The following CCL26 variants were observed in gnomAD, a reference collection of about 807,000 sequenced individuals.
CCL26 encodes the protein C-C motif chemokine ligand 26.
Under a neutral mutation model 10.7 loss-of-function variants are expected in CCL26, and 10 were observed. The observed-to-expected ratio is 0.93, with a 90% CI of 0.57 to 1.58. CCL26 has a LOEUF of 1.58. Ranked by LOEUF, CCL26 falls within the 40% of genes most tolerant of loss-of-function variation. The probability of loss-of-function intolerance (pLI) is 0.00; values close to 1 mark genes in which losing one functional copy is unlikely to be tolerated. For missense variants in CCL26, 116 were observed against 111.0 expected (o/e 1.05, Z -0.20); for synonymous variants, 43 against 41.4 (o/e 1.04, Z -0.15).
chr7:75,775,843 T>A (rs201463837), upstream of CCL26, among the ~76,000 whole-genome samples: 44,457 of 150,068 alleles, frequency 0.3, 7,081 homozygotes, highest in African/African-American at 0.43. Context: ...CTTTTTTTAG[T>A]TTTTTTTTTC....
At chr7:75,785,313 C>T (rs1803159978) in intron 1 of CCL26, among the ~76,000 whole-genome samples, 1 of 152,164 alleles carries the variant, frequency 6.6e-6, no homozygotes, top group African/African-American at 2.4e-5. Context: ...GCCCTCATTA[C>T]TTCAGCCAAG....
chr7:75,783,712 G>T (rs12534740), intron 1 of CCL26, among the ~76,000 whole-genome samples: 4 of 150,768 alleles, frequency 2.7e-5, no homozygotes, highest in African/African-American at 9.8e-5. Flanking sequence ...GCGTGAACCC[G>T]GTAGGTGGAG....
chr7:75,781,121 G>A (rs1038345883), intron 1 of CCL26, among the ~76,000 whole-genome samples: 3 of 152,198 alleles, frequency 2.0e-5, no homozygotes, highest in Non-Finnish European at 4.4e-5. Flanking sequence ...GGCCCTGAAA[G>A]GTCAGAAGGC....
intron 1 of CCL26, among the ~76,000 whole-genome samples, chr7:75,782,419 G>T (rs2115679887): frequency 1.3e-5 from 2 of 152,160 alleles, no homozygotes; most frequent in Middle Eastern, 3.4e-3. Context: ...GGGGACACCT[G>T]GTTTGGCTGC....
chr7:75,785,419 T>C (rs1213402243), intron 1 of CCL26, among the ~76,000 whole-genome samples: 2 of 152,142 alleles, frequency 1.3e-5, no homozygotes, highest in Admixed American at 6.5e-5. Flanking sequence ...CTTTGAATCT[T>C]CTCAACAAGA....
chr7:75,791,592 G>A (rs574774583), upstream of CCL26, among the ~76,000 whole-genome samples: 169 of 152,184 alleles, frequency 1.1e-3, 2 homozygotes, highest in African/African-American at 3.7e-3. Context: ...TCAAAGTGCT[G>A]GGATTACAGG....
upstream of CCL26, among the ~76,000 whole-genome samples, chr7:75,791,151 C>T (rs1294866350): frequency 1.3e-5 from 2 of 151,626 alleles, no homozygotes; most frequent in African/African-American, 2.4e-5. Flanking sequence ...CTCAGCCTCC[C>T]GAGTAGCTGG....
upstream of CCL26, among the ~76,000 whole-genome samples, chr7:75,790,178 C>T (rs4639460): frequency 7.4e-3 from 326 of 44,312 alleles, 4 homozygotes; most frequent in Non-Finnish European, 9.2e-3. Context: ...TTCCTTCCTT[C>T]CTTTCTTTCT....
At position 75,787,593 on chromosome 7, in the gene CCL26, C is replaced by A. The variant is rs370740907; in HGVS notation, c.-79+2124G>T. Among the ~76,000 whole-genome samples the A allele has an allele frequency of 5.8e-4, 77 of 132,014 alleles. 1 individual carries two copies. The highest frequency in any genetic ancestry group is 2.1e-3 in the African/African-American group (73 of 35,206). 86.6% of individuals were successfully genotyped at this position (132,014 alleles called of 152,430 possible). On this transcript the variant is annotated intron_variant, in intron 1 of 3. Transcript: ENST00000394905. ...CTGGGATGTGGAGCTTGCAGTGAGC[C>A]GGGATCACACCACTGCACTCCAGCC...
intron 1 of CCL26, among the ~76,000 whole-genome samples, chr7:75,787,744 C>T (rs1554530186): frequency 6.8e-6 from 1 of 146,890 alleles, no homozygotes; most frequent in South Asian, 2.2e-4. Context: ...AAACAGAGCC[C>T]AAAAACTCAC....
intron 1 of CCL26, among the ~76,000 whole-genome samples, chr7:75,782,920 C>T (rs781819125): frequency 4.6e-5 from 7 of 152,066 alleles, no homozygotes; most frequent in Admixed American, 2.0e-4. Flanking sequence ...TGACCTCTCC[C>T]CTTTTCTCCA....
At chr7:75,770,056 A>C (rs797034950) in intron 2 of CCL26, among the ~76,000 whole-genome samples, 24 of 143,582 alleles carry the variant, frequency 1.7e-4, no homozygotes, top group African/African-American at 5.8e-4. Flanking sequence ...TGTAACCTGC[A>C]CCAGGACACT....
At chr7:75,780,798 C>A (rs191950057) in intron 1 of CCL26, among the ~76,000 whole-genome samples, 1 of 152,066 alleles carries the variant, frequency 6.6e-6, no homozygotes, top group Admixed American at 6.6e-5. Context: ...ACAGGCTGCT[C>A]GTTGCCAGGC....
chr7:75,776,894 C>T (rs1186219659), upstream of CCL26, among the ~76,000 whole-genome samples: 1 of 152,092 alleles, frequency 6.6e-6, no homozygotes, highest in African/African-American at 2.4e-5. Flanking sequence ...CATATGCACA[C>T]TCTATAATCG....
chr7:75,779,125 G>A (rs886718419), intron 1 of CCL26, among the ~76,000 whole-genome samples: 3 of 151,478 alleles, frequency 2.0e-5, no homozygotes, highest in East Asian at 1.9e-4. Context: ...ACCCCTGCCC[G>A]CCAGAGAACA....
chr7:75,787,643 T>C lies in CCL26; in HGVS notation c.-79+2074A>G, dbSNP rs1418772373. 1.6e-4 allele frequency among the ~76,000 whole-genome samples: 6 copies of C among 37,842 alleles called. No individual in the cohort carries two copies. The Admixed American group carries it at 2.2e-3, about 14-fold the overall frequency. 24.8% of individuals were successfully genotyped at this position (37,842 alleles called of 152,430 possible). On this transcript the variant is annotated intron_variant, in intron 1 of 3. Coordinates refer to the CCL26 transcript ENST00000394905. ...CTGGGCGACAGAGTGAGACTCCGTC[T>C]CCAAAAGCAAAAAAAAAAAAAAAAA... is the stretch of plus-strand genomic sequence containing the variant.
At chr7:75,778,856 G>T (rs1283689149) in intron 1 of CCL26, among the ~76,000 whole-genome samples, 2 of 151,932 alleles carry the variant, frequency 1.3e-5, no homozygotes, top group African/African-American at 4.8e-5. Context: ...GGTGGGGGGG[G>T]CAGATCACTA....
chr7:75,789,406 TTCTCTCTC>T (rs145522312), intron 1 of CCL26, among the ~76,000 whole-genome samples: 1 of 150,114 alleles, frequency 6.7e-6, no homozygotes. Flanking sequence ...ATGAGAATAT[TTCTCTCTC>T]TCTCTCTCTT....
intron 1 of CCL26, among the ~76,000 whole-genome samples, chr7:75,787,705 T>TAA (rs56291244): frequency 7.9e-6 from 1 of 126,296 alleles, no homozygotes; most frequent in Non-Finnish European, 1.6e-5. Flanking sequence ...CCTCTCAACT[T>TAA]AAAAAAAAAA....
Sources: allele counts gnomAD v4.1 joint callset (sites outside exome capture counted in the v4.1 genomes callset), GRCh38; gene constraint gnomAD v4.1.1; transcripts MANE v1.5; gene names NCBI Gene and HGNC (gene_info 2026-07-23, HGNC 2026-07-21).